Variants in XKR9 observed in about 807,000 individuals in gnomAD.
The protein encoded by XKR9 is XK-related protein 9.
A neutral mutation model predicts 32.0 loss-of-function variants in XKR9; 32 were observed. That is an observed-to-expected ratio of 1.00 (90% confidence interval 0.76 to 1.34). The LOEUF (loss-of-function observed/expected upper bound fraction) is 1.34. XKR9 is among the 40% of genes most tolerant of loss of function. XKR9 has a pLI of 0.00. For synonymous variants in XKR9, 168 were observed against 143.4 expected, an observed-to-expected ratio of 1.17 and a Z score of -1.22; for missense variants, 546 against 429.7, an observed-to-expected ratio of 1.27 and a Z score of -2.39.
chr8:70,922,750 A>G, the XKR9 span, among the ~76,000 whole-genome samples: 1 of 152,348 alleles, frequency 6.6e-6, no homozygotes, highest in African/African-American at 2.4e-5. Context: ...AACCAGTAGT[A>G]AAATTTTAGC....
At chr8:70,992,132 G>A in the XKR9 span, among the ~76,000 whole-genome samples, 1 of 152,166 alleles carries the variant, frequency 6.6e-6, no homozygotes, top group Admixed American at 6.5e-5. Flanking sequence ...CAAACTGCCT[G>A]TAACTTGTTA....
chr8:70,825,970 T>C, the XKR9 span, among the ~76,000 whole-genome samples: 1 of 152,150 alleles, frequency 6.6e-6, no homozygotes, highest in Non-Finnish European at 1.5e-5. Flanking sequence ...GTAATACATA[T>C]ATTTATAATT....
At chr8:70,841,356 G>A in the XKR9 span, among the ~76,000 whole-genome samples, 1 of 151,982 alleles carries the variant, frequency 6.6e-6, no homozygotes, top group African/African-American at 2.4e-5. Context: ...ATCACAGTTT[G>A]GTTTTATACT....
At chr8:70,983,808 A>C in the XKR9 span, among the ~76,000 whole-genome samples, 1 of 151,398 alleles carries the variant, frequency 6.6e-6, no homozygotes, top group Admixed American at 6.6e-5. Context: ...TAAATAAATA[A>C]ATAAATAAAA....
At chr8:70,817,338 A>C in the XKR9 span, among the ~76,000 whole-genome samples, 3 of 152,160 alleles carry the variant, frequency 2.0e-5, no homozygotes, top group Non-Finnish European at 4.4e-5. Flanking sequence ...ATAATGTTCA[A>C]GTTGAGAGCC....
the XKR9 span, among the ~76,000 whole-genome samples, chr8:71,012,388 A>G: frequency 6.6e-6 from 1 of 152,168 alleles, no homozygotes; most frequent in Admixed American, 6.5e-5. Flanking sequence ...GTTGGTGGCT[A>G]TGGGTGTGTT....
chr8:70,969,917 C>T, the XKR9 span, among the ~76,000 whole-genome samples: 2 of 152,168 alleles, frequency 1.3e-5, no homozygotes, highest in African/African-American at 2.4e-5. Flanking sequence ...ACCATTCACC[C>T]GAGTCACCAA....
the XKR9 span, among the ~76,000 whole-genome samples, chr8:71,051,432 T>C: frequency 5.3e-5 from 8 of 152,162 alleles, no homozygotes; most frequent in Non-Finnish European, 2.9e-5. Flanking sequence ...ACAACAAATA[T>C]TGAGATATTT....
At chr8:70,725,047 G>A (rs1350822092) in intron 4 of XKR9, among the ~76,000 whole-genome samples, 1 of 152,082 alleles carries the variant, frequency 6.6e-6, no homozygotes, top group Non-Finnish European at 1.5e-5. Flanking sequence ...TCTTTACGTG[G>A]CACCAGGAAG....
chr8:70,771,667 C>T (rs959309965), intron 2 of XKR9, among the ~76,000 whole-genome samples: 2 of 152,140 alleles, frequency 1.3e-5, no homozygotes, highest in African/African-American at 4.8e-5. Flanking sequence ...TTGGGTTTGT[C>T]TAGATCAAAA....
the XKR9 span, among the ~76,000 whole-genome samples, chr8:70,924,073 C>T: frequency 6.6e-6 from 1 of 152,146 alleles, no homozygotes. Context: ...ATTGCTAATT[C>T]CCGGGGATCA....
At chr8:70,904,747 A>G in the XKR9 span, among the ~76,000 whole-genome samples, 1 of 152,038 alleles carries the variant, frequency 6.6e-6, no homozygotes, top group African/African-American at 2.4e-5. Context: ...ATGTTTTTGG[A>G]GTGGCTGGTA....
chr8:70,932,861 C>T, the XKR9 span, among the ~76,000 whole-genome samples: 1 of 152,064 alleles, frequency 6.6e-6, no homozygotes. Flanking sequence ...CAGTAGGGGG[C>T]TAGGACTTCA....
At chr8:70,771,699 T>C (rs1563475425) in intron 2 of XKR9, among the ~76,000 whole-genome samples, 1 of 152,194 alleles carries the variant, frequency 6.6e-6, no homozygotes, top group African/African-American at 2.4e-5. Flanking sequence ...CTATGTTCTT[T>C]GGTAGGGTGG....
At chr8:71,028,402 C>A in the XKR9 span, among the ~76,000 whole-genome samples, 1 of 152,108 alleles carries the variant, frequency 6.6e-6, no homozygotes, top group Non-Finnish European at 1.5e-5. Flanking sequence ...GATCCATGAT[C>A]TTACTTATAT....
chr8:70,705,139 A>G (rs1464925253), intron 3 of XKR9, among the ~76,000 whole-genome samples: 1 of 152,198 alleles, frequency 6.6e-6, no homozygotes, highest in Non-Finnish European at 1.5e-5. Flanking sequence ...AGCTTTCCAA[A>G]GCCCTTTCAT....
the XKR9 span, among the ~76,000 whole-genome samples, chr8:70,988,438 A>G: frequency 1.3e-5 from 2 of 152,232 alleles, no homozygotes; most frequent in East Asian, 3.9e-4. Context: ...CTTGGATTGA[A>G]TGGCATCTTT....
At chr8:71,044,212 T>G in the XKR9 span, among the ~76,000 whole-genome samples, 2 of 152,226 alleles carry the variant, frequency 1.3e-5, no homozygotes, top group Admixed American at 6.5e-5. Flanking sequence ...GTACTGAAGC[T>G]TACAGAAAAT....
At chr8:70,923,393 C>T in the XKR9 span, among the ~76,000 whole-genome samples, 1 of 152,154 alleles carries the variant, frequency 6.6e-6, no homozygotes, top group Admixed American at 6.5e-5. Context: ...ATAGGGGTAT[C>T]AATAAGTAAA....
Sources: gnomAD v4.1 joint callset for allele counts (sites outside exome capture counted in the v4.1 genomes callset) on GRCh38, gnomAD v4.1.1 for gene constraint, MANE v1.5 for transcripts, NCBI Gene and HGNC (gene_info 2026-07-23, HGNC 2026-07-21) for gene names.